The following ZSWIM6 variants were observed in gnomAD, a reference collection of about 807,000 sequenced individuals.
ZSWIM6 encodes zinc finger SWIM domain-containing protein 6.
ZSWIM6 carries 9 observed loss-of-function variants against 113.2 expected under a neutral mutation model. The ratio of observed to expected loss-of-function variants is 0.08; its 90% CI spans 0.05 to 0.14. ZSWIM6 has a LOEUF of 0.14. Ranked by LOEUF, ZSWIM6 falls within the 10% of genes least tolerant of loss-of-function variation. ZSWIM6 has a pLI of 1.00. For missense variants in ZSWIM6, 1,162 were observed against 1,552.2 expected (o/e 0.75, Z 4.22); for synonymous variants, 611 against 606.5 (o/e 1.01, Z -0.11).
Position 61,426,175 on chromosome 5 carries a change from G to A in ZSWIM6, c.677-46506G>A, listed in dbSNP as rs1270946419. On this transcript the variant is annotated intron_variant, in intron 1 of 13. Coordinates refer to ENST00000252744, the MANE Select transcript of ZSWIM6 (RefSeq NM_020928.2). ...CAAGGTTGTAAAGTGATATTGTGATGAAGTACTATTTTCACAGTACTATTT... is the reference window on the plus strand; with the variant it reads ...CAAGGTTGTAAAGTGATATTGTGATAAAGTACTATTTTCACAGTACTATTT... Among the ~76,000 whole-genome samples, 3 of 152,144 alleles carry A rather than the reference G, an allele frequency of 2.0e-5. No homozygotes were observed. In the East Asian group the frequency reaches 5.8e-4, roughly 29 times the overall value.
chr5:61,501,064 A>G (rs1338873589), intron 4 of ZSWIM6, among the ~76,000 whole-genome samples: 2 of 152,112 alleles, frequency 1.3e-5, no homozygotes, highest in East Asian at 1.9e-4. Context: ...GGTCAATTGT[A>G]TTGCTGAGAA....
intron 1 of ZSWIM6, among the ~76,000 whole-genome samples, chr5:61,334,906 T>C (rs1452841670): frequency 3.1e-4 from 46 of 150,308 alleles, no homozygotes; most frequent in African/African-American, 7.8e-4. Flanking sequence ...TTTTTTTTTT[T>C]CCCCCTCCCT....
intron 1 of ZSWIM6, among the ~76,000 whole-genome samples, chr5:61,467,577 C>CT (rs1747463090): frequency 6.6e-6 from 1 of 152,166 alleles, no homozygotes; most frequent in African/African-American, 2.4e-5. Context: ...CTCAAAGAGA[C>CT]TTAGGGACCT....
At chr5:61,422,693 A>C (rs1746378411) in intron 1 of ZSWIM6, among the ~76,000 whole-genome samples, 1 of 152,200 alleles carries the variant, frequency 6.6e-6, no homozygotes, top group Non-Finnish European at 1.5e-5. Context: ...CTTCTAATCC[A>C]TGAACATGGA....
At chr5:61,518,230 A>C (rs935607465) in intron 4 of ZSWIM6, among the ~76,000 whole-genome samples, 2 of 151,924 alleles carry the variant, frequency 1.3e-5, no homozygotes, top group African/African-American at 4.8e-5. Context: ...GCTATTGTGA[A>C]TAATGCCGCA....
chr5:61,421,742 G>A (rs1413727723), intron 1 of ZSWIM6, among the ~76,000 whole-genome samples: 1 of 152,096 alleles, frequency 6.6e-6, no homozygotes, highest in Non-Finnish European at 1.5e-5. Context: ...TTGGTTTTCT[G>A]TTACTGCATT....
intron 4 of ZSWIM6, among the ~76,000 whole-genome samples, chr5:61,501,675 CT>C (rs1224903052): frequency 6.6e-6 from 1 of 152,136 alleles, no homozygotes; most frequent in Non-Finnish European, 1.5e-5. Flanking sequence ...AATTAAGATG[CT>C]TTAAGGCTCA....
chr5:61,539,139 T>C (rs1439964329), intron 11 of ZSWIM6, among the ~76,000 whole-genome samples, 168 bp downstream of exon 11: 1 of 152,246 alleles, frequency 6.6e-6, no homozygotes, highest in African/African-American at 2.4e-5. Context: ...GGCATTTTCC[T>C]CATTTACCTG....
intron 4 of ZSWIM6, among the ~76,000 whole-genome samples, chr5:61,513,752 T>C (rs929314677): frequency 6.6e-6 from 1 of 152,104 alleles, no homozygotes; most frequent in Non-Finnish European, 1.5e-5. Flanking sequence ...TCAATTGACT[T>C]TGAACCTTGA....
chr5:61,358,092 T>G (rs761118406), intron 1 of ZSWIM6, among the ~76,000 whole-genome samples: 1 of 152,232 alleles, frequency 6.6e-6, no homozygotes, highest in Non-Finnish European at 1.5e-5. Flanking sequence ...GTATGTCTTC[T>G]TTGCCTCTAG....
intron 1 of ZSWIM6, chr5:61,347,581 T>A (rs1371994344): frequency 1.3e-5 from 2 of 153,736 alleles, no homozygotes; most frequent in Non-Finnish European, 2.9e-5. Flanking sequence ...ACAGGACAGC[T>A]CTAGGAGAAA....
intron 1 of ZSWIM6, among the ~76,000 whole-genome samples, chr5:61,368,280 T>A (rs1394755525): frequency 6.6e-6 from 1 of 152,232 alleles, no homozygotes; most frequent in Non-Finnish European, 1.5e-5. Context: ...TAATTCATAG[T>A]AGATAAACCA....
At chr5:61,365,872 GTTCCTCTTCT>G (rs1358870865) in intron 1 of ZSWIM6, among the ~76,000 whole-genome samples, 3 of 152,134 alleles carry the variant, frequency 2.0e-5, no homozygotes, top group Non-Finnish European at 4.4e-5. Context: ...CAATACCTTA[GTTCCTCTTCT>G]GTAAAGCACC....
intron 1 of ZSWIM6, among the ~76,000 whole-genome samples, chr5:61,371,265 A>T: frequency 6.6e-6 from 1 of 152,298 alleles, no homozygotes; most frequent in East Asian, 1.9e-4. Flanking sequence ...TTTATATTTC[A>T]AACTCTTAAA....
intron 1 of ZSWIM6, among the ~76,000 whole-genome samples, chr5:61,354,323 A>T (rs79230250): frequency 6.6e-6 from 1 of 152,224 alleles, no homozygotes; most frequent in African/African-American, 2.4e-5. Flanking sequence ...ATTAAGGTAC[A>T]TGTTTTGGTT....
At chr5:61,333,095 T>C in intron 1 of ZSWIM6, 147 bp downstream of exon 1, 1 of 909,042 alleles carries the variant, frequency 1.1e-6, no homozygotes, top group Non-Finnish European at 1.4e-6. Context: ...ACGGTCCTCC[T>C]GAGCGGAGCG....
intron 1 of ZSWIM6, among the ~76,000 whole-genome samples, chr5:61,355,475 CACACACACACACACACACACACT>C (rs1744882965): frequency 7.1e-6 from 1 of 140,988 alleles, no homozygotes; most frequent in African/African-American, 2.6e-5. Context: ...CACACACACA[CACACACACACACACACACACACT>C]ATTAGATGGC....
intron 2 of ZSWIM6, among the ~76,000 whole-genome samples, chr5:61,473,470 T>C (rs1747626183): frequency 6.6e-6 from 1 of 152,212 alleles, no homozygotes. Context: ...TGGAAAAACA[T>C]TATAGCTTGT....
chr5:61,481,349 C>T (rs2112198997), intron 2 of ZSWIM6, among the ~76,000 whole-genome samples: 1 of 152,142 alleles, frequency 6.6e-6, no homozygotes, highest in Admixed American at 6.5e-5. Flanking sequence ...TGGTGTGAGA[C>T]AGATACCTCA....
Sources: allele counts gnomAD v4.1 joint callset (sites outside exome capture counted in the v4.1 genomes callset), GRCh38; gene constraint gnomAD v4.1.1; transcripts MANE v1.5; gene names NCBI Gene and HGNC (gene_info 2026-07-23, HGNC 2026-07-21).